Variants in SGCD observed in about 807,000 individuals in gnomAD.
SGCD encodes sarcoglycan delta, also known as delta-sarcoglycan.
SGCD carries 18 observed loss-of-function variants against 36.6 expected under a neutral mutation model. The ratio of observed to expected loss-of-function variants is 0.49; its 90% CI spans 0.34 to 0.73. The LOEUF is 0.73. Ranked by LOEUF, SGCD falls within the 30% of genes least tolerant of loss-of-function variation. The probability of loss-of-function intolerance (pLI) is 0.01; values close to 1 mark genes in which losing one functional copy is unlikely to be tolerated. For missense variants in SGCD, 387 were observed against 346.7 expected (o/e 1.12, Z -0.92); for synonymous variants, 133 against 130.6 (o/e 1.02, Z -0.12).
chr5:156,297,030 A>ATAT (rs1554090858), intron 3 of SGCD, among the ~76,000 whole-genome samples: 193 of 140,286 alleles, frequency 1.4e-3, no homozygotes, highest in African/African-American at 5.3e-3. Context: ...ATAGCATATA[A>ATAT]ATATATATAT....
chr5:156,391,557 G>A (rs949016930), intron 3 of SGCD, among the ~76,000 whole-genome samples: 3 of 152,218 alleles, frequency 2.0e-5, no homozygotes, highest in Non-Finnish European at 4.4e-5. Context: ...AAACAATACA[G>A]TGTAATAACT....
At chr5:156,373,885 G>C (rs979427395) in intron 3 of SGCD, among the ~76,000 whole-genome samples, 4 of 152,156 alleles carry the variant, frequency 2.6e-5, no homozygotes, top group African/African-American at 9.7e-5. Flanking sequence ...AGCATGGAGG[G>C]CTTGATATGG....
At chr5:155,861,719 AAAAT>A in the SGCD span, among the ~76,000 whole-genome samples, 11 of 152,258 alleles carry the variant, frequency 7.2e-5, no homozygotes, top group Admixed American at 1.3e-4. Flanking sequence ...CTCTGTTAAA[AAAAT>A]AAATAAATAA....
the SGCD span, among the ~76,000 whole-genome samples, chr5:155,836,466 A>ACCCCCC: frequency 1.1e-5 from 1 of 89,288 alleles, no homozygotes; most frequent in Non-Finnish European, 2.1e-5. Flanking sequence ...TACCTCTGAT[A>ACCCCCC]CCCACCCCCG....
intron 1 of SGCD, among the ~76,000 whole-genome samples, chr5:155,878,919 C>T (rs534529374): frequency 6.6e-6 from 1 of 152,086 alleles, no homozygotes. Flanking sequence ...TAGCTAGTTT[C>T]ACTTGGCTTT....
chr5:156,034,262 C>G (rs1759433853), intron 1 of SGCD, among the ~76,000 whole-genome samples: 1 of 152,212 alleles, frequency 6.6e-6, no homozygotes, highest in African/African-American at 2.4e-5. Flanking sequence ...GGGATTTGCT[C>G]TGAATTCTGT....
At chr5:156,554,551 A>G (rs1043052879) in intron 4 of SGCD, among the ~76,000 whole-genome samples, 2 of 150,592 alleles carry the variant, frequency 1.3e-5, no homozygotes, top group Admixed American at 1.3e-4. Flanking sequence ...ATATAAACAT[A>G]TGTATCTATG....
chr5:156,383,296 G>A (rs140957435), intron 3 of SGCD, among the ~76,000 whole-genome samples: 2,071 of 152,160 alleles, frequency 0.014, 22 homozygotes, highest in Non-Finnish European at 0.023. Context: ...TTGAGGTCAG[G>A]AGATCGAGAC....
At chr5:156,353,119 T>C (rs1769336781) in intron 3 of SGCD, among the ~76,000 whole-genome samples, 1 of 152,194 alleles carries the variant, frequency 6.6e-6, no homozygotes, top group African/African-American at 2.4e-5. Flanking sequence ...TGACACATCA[T>C]CTGTTTTGAG....
chr5:156,533,319 C>T (rs979016465), intron 4 of SGCD, among the ~76,000 whole-genome samples: 1 of 152,080 alleles, frequency 6.6e-6, no homozygotes, highest in African/African-American at 2.4e-5. Flanking sequence ...TCTCTCTGTC[C>T]GTACCTTTTG....
In SGCD at chr5:156,725,870, C is replaced by T. The variant is rs543018868; in HGVS notation, c.576-31711C>T. ...AGAAAAAAACAAACTTTCTGCTTTC[C>T]AATCAACAACTCTTAATTATCTTTA... On this transcript the variant is annotated intron_variant, in intron 7 of 8. Transcript: ENST00000337851. 2.2e-3 allele frequency among the ~76,000 whole-genome samples: 331 copies of T among 152,316 alleles called. 2 individuals are homozygous for T. Among genetic ancestry groups the T allele is most frequent in the African/African-American group, 7.7e-3 (322 of 41,574 alleles).
At chr5:156,694,193 G>A (rs1025650460) in intron 7 of SGCD, among the ~76,000 whole-genome samples, 27 of 152,136 alleles carry the variant, frequency 1.8e-4, no homozygotes, top group African/African-American at 4.3e-4. Flanking sequence ...GGGAGCTTTG[G>A]CGTCTAAACT....
the SGCD span, among the ~76,000 whole-genome samples, chr5:155,841,002 C>T: frequency 1.0e-5 from 1 of 100,362 alleles, no homozygotes. Flanking sequence ...CAGAGCGAGA[C>T]TCCATCTCAA....
chr5:155,913,559 A>C (rs891698035), intron 1 of SGCD, among the ~76,000 whole-genome samples: 2 of 152,274 alleles, frequency 1.3e-5, no homozygotes, highest in East Asian at 3.9e-4. Context: ...GAATATATTC[A>C]ATTAAAAACG....
Position 156,764,709 on chromosome 5 carries a change from T to A in SGCD, c.*5319T>A, listed in dbSNP as rs930946761. ...AATAGGAGGAAATGAGCATCCTTAT[T>A]TGAGAAAGAGCAAGAATGTCATGAG... is the stretch of plus-strand genomic sequence containing the variant. On this transcript the variant is annotated 3_prime_UTR_variant, in exon 9 of 9. Coordinates refer to ENST00000337851, the MANE Select transcript of SGCD (RefSeq NM_000337.6). 6.6e-6 allele frequency: 1 copy of A among 152,182 alleles called. No individual in the cohort carries two copies. Among genetic ancestry groups the A allele is most frequent in the African/African-American group, 2.4e-5 (1 of 41,452 alleles). 9.4% of individuals were successfully genotyped at this position (152,182 alleles called of 1,614,324 possible).
At chr5:156,045,632 A>G (rs543931660) in intron 1 of SGCD, among the ~76,000 whole-genome samples, 14 of 152,288 alleles carry the variant, frequency 9.2e-5, no homozygotes, top group Non-Finnish European at 1.9e-4. Context: ...GATCCAACTA[A>G]AGCAGCATCA....
At chr5:156,514,899 G>T (rs2127885591) in intron 4 of SGCD, among the ~76,000 whole-genome samples, 1 of 152,238 alleles carries the variant, frequency 6.6e-6, no homozygotes, top group Admixed American at 6.5e-5. Flanking sequence ...TACAGAACTT[G>T]ACATAAAGTG....
chr5:155,787,443 A>C, the SGCD span, among the ~76,000 whole-genome samples: 1 of 152,142 alleles, frequency 6.6e-6, no homozygotes, highest in Non-Finnish European at 1.5e-5. Flanking sequence ...TCCCTTTCCA[A>C]ATGACTCCTT....
chr5:155,890,975 G>A (rs555442333), intron 1 of SGCD, among the ~76,000 whole-genome samples: 4 of 152,126 alleles, frequency 2.6e-5, no homozygotes, highest in Admixed American at 2.6e-4. Flanking sequence ...CCTACCATGT[G>A]GGAAAGAAAT....
Sources: allele counts gnomAD v4.1 joint callset (sites outside exome capture counted in the v4.1 genomes callset), GRCh38; gene constraint gnomAD v4.1.1; transcripts MANE v1.5; gene names NCBI Gene and HGNC (gene_info 2026-07-23, HGNC 2026-07-21).